Variants in CARMIL1 observed in about 807,000 individuals in gnomAD.
The protein encoded by CARMIL1 is F-actin-uncapping protein LRRC16A.
In CARMIL1, 90 loss-of-function variants were observed where a neutral mutation model predicts 177.1. The ratio of observed to expected loss-of-function variants is 0.51; its 90% CI spans 0.43 to 0.61. The LOEUF (loss-of-function observed/expected upper bound fraction) is 0.61. CARMIL1 is among the 20% of genes least tolerant of loss of function. The pLI, the probability that CARMIL1 is intolerant of heterozygous loss-of-function variation, is 0.00. For synonymous variants in CARMIL1, 577 were observed against 606.2 expected, an observed-to-expected ratio of 0.95 and a Z score of 0.71; for missense variants, 1,380 against 1,667.0, an observed-to-expected ratio of 0.83 and a Z score of 3.00.
At chr6:25,605,075 A>G (rs946903746) in intron 34 of CARMIL1, among the ~76,000 whole-genome samples, 182 bp downstream of exon 34, 1 of 152,172 alleles carries the variant, frequency 6.6e-6, no homozygotes, top group African/African-American at 2.4e-5. Context: ...CCTGGGGCAC[A>G]TCCTGCCCCA....
chr6:25,384,045 G>A (rs546043295), intron 2 of CARMIL1, among the ~76,000 whole-genome samples: 127 of 152,232 alleles, frequency 8.3e-4, no homozygotes, highest in African/African-American at 2.9e-3. Flanking sequence ...TCACATGTTT[G>A]CCAGGCAGGT....
intron 2 of CARMIL1, among the ~76,000 whole-genome samples, chr6:25,342,577 A>G (rs1787053562): frequency 6.6e-6 from 1 of 151,844 alleles, no homozygotes; most frequent in Non-Finnish European, 1.5e-5. Context: ...GGCTAAGTGT[A>G]TGTTCTTGCC....
At chr6:25,505,389 C>T (rs6924266) in intron 17 of CARMIL1, among the ~76,000 whole-genome samples, 83,206 of 152,024 alleles carry the variant, frequency 0.55, 23,472 homozygotes, top group Middle Eastern at 0.64. Context: ...AGTAGTGATA[C>T]TGGCATTCAT....
chr6:25,395,648 C>T (rs1239915529), intron 2 of CARMIL1, among the ~76,000 whole-genome samples: 1 of 152,082 alleles, frequency 6.6e-6, no homozygotes, highest in African/African-American at 2.4e-5. Flanking sequence ...ATTTTGGGAC[C>T]TTCTTTAATG....
intron 18 of CARMIL1, 89 bp from the exon 19 acceptor site, chr6:25,510,418 T>G: frequency 1.4e-6 from 1 of 740,238 alleles, no homozygotes; most frequent in Non-Finnish European, 2.2e-6. Context: ...GTCATCCAAC[T>G]ATATGTCACC....
At chr6:25,394,014 A>C (rs1793132955) in intron 2 of CARMIL1, among the ~76,000 whole-genome samples, 1 of 152,138 alleles carries the variant, frequency 6.6e-6, no homozygotes, top group African/African-American at 2.4e-5. Context: ...TTTTCTTATG[A>C]AATTTTTCTA....
Position 25,468,765 on chromosome 6 carries a change from C to G in CARMIL1, c.691-2404C>G, listed in dbSNP as rs145657478. On this transcript the variant is annotated intron_variant, in intron 9 of 36. Coordinates refer to ENST00000329474, the MANE Select transcript of CARMIL1 (RefSeq NM_017640.6). ...ATGAATGATTTGTTACACGTCTCCC[C>G]TACTGGCATTTTAAAGAAAAGTTGG... Among the ~76,000 whole-genome samples, 485 of 152,258 alleles carry G rather than the reference C, an allele frequency of 3.2e-3. 3 individuals carry two copies. The highest frequency in any genetic ancestry group is 0.01 in the African/African-American group (425 of 41,538).
chr6:25,449,454 G>A (rs1798572523), intron 5 of CARMIL1, among the ~76,000 whole-genome samples: 1 of 152,178 alleles, frequency 6.6e-6, no homozygotes, highest in Non-Finnish European at 1.5e-5. Flanking sequence ...GGAAGAGGTA[G>A]CAAAAGGAAC....
At position 25,289,349 on chromosome 6, in the gene CARMIL1, G is replaced by A. The variant is rs370069838; in HGVS notation, c.138+4440G>A. On this transcript the variant is annotated intron_variant, in intron 2 of 36. Coordinates refer to ENST00000329474, the MANE Select transcript of CARMIL1 (RefSeq NM_017640.6). ...CTTCACCCAATTTTTATAGTACTTG[G>A]AGTGTAAAAAATGTATTTTAACTTA... Among the ~76,000 whole-genome samples, 185 of 152,214 alleles carry A rather than the reference G, an allele frequency of 1.2e-3. 1 individual carries two copies. The highest frequency in any genetic ancestry group is 0.01 in the Middle Eastern group (3 of 294).
At chr6:25,419,096 G>A (rs1327081859) in intron 2 of CARMIL1, among the ~76,000 whole-genome samples, 6 of 152,186 alleles carry the variant, frequency 3.9e-5, no homozygotes, top group African/African-American at 7.2e-5. Flanking sequence ...GTTCAAGCCC[G>A]GGGTTGTGTC....
intron 2 of CARMIL1, among the ~76,000 whole-genome samples, chr6:25,313,512 A>G (rs759839132): frequency 6.6e-6 from 1 of 151,788 alleles, no homozygotes; most frequent in Non-Finnish European, 1.5e-5. Flanking sequence ...AGATGGGGGG[A>G]TGAGAGCACT....
At chr6:25,413,441 G>A (rs910719794) in intron 2 of CARMIL1, among the ~76,000 whole-genome samples, 7 of 152,124 alleles carry the variant, frequency 4.6e-5, no homozygotes, top group Admixed American at 3.9e-4. Context: ...TATTTAAGAT[G>A]GTATGTATTT....
intron 28 of CARMIL1, 127 bp from the exon 29 acceptor site, chr6:25,556,574 A>G: frequency 1.4e-6 from 1 of 729,544 alleles, no homozygotes; most frequent in East Asian, 2.7e-5. Context: ...TGTATTAAGA[A>G]TTGTCCTTGT....
At chr6:25,300,321 A>G (rs573971042) in intron 2 of CARMIL1, among the ~76,000 whole-genome samples, 1 of 152,244 alleles carries the variant, frequency 6.6e-6, no homozygotes, top group African/African-American at 2.4e-5. Context: ...GTGGTTCTCA[A>G]TATTTGGTCC....
intron 2 of CARMIL1, among the ~76,000 whole-genome samples, chr6:25,384,918 G>A (rs948624470): frequency 3.3e-5 from 5 of 152,190 alleles, no homozygotes; most frequent in African/African-American, 1.2e-4. Context: ...TTGGATAGAT[G>A]TAACACTATT....
intron 22 of CARMIL1, among the ~76,000 whole-genome samples, chr6:25,518,811 C>T (rs1806263326): frequency 6.6e-6 from 1 of 151,674 alleles, no homozygotes; most frequent in African/African-American, 2.4e-5. Context: ...GCTTCAAAAT[C>T]ACATTTGGTT....
At chr6:25,524,947 A>C (rs1424397777) in intron 23 of CARMIL1, among the ~76,000 whole-genome samples, 2 of 152,134 alleles carry the variant, frequency 1.3e-5, no homozygotes, top group Non-Finnish European at 2.9e-5. Context: ...ACAAAGAAAA[A>C]AAGAAAAGAA....
chr6:25,532,963 G>T (rs950114251), intron 24 of CARMIL1, among the ~76,000 whole-genome samples: 4 of 152,028 alleles, frequency 2.6e-5, no homozygotes, highest in Non-Finnish European at 4.4e-5. Flanking sequence ...ATAAAAACAG[G>T]CCCAGAATTG....
In CARMIL1 at chr6:25,537,957, A is replaced by T; in HGVS notation, c.2170A>T (p.Met724Leu). ...AGATTTAAAATCAGCAGAGCGGCTCATGCGTGATGCTAAGAACTCTAAAAC... is the reference window on the plus strand; with the variant it reads ...AGATTTAAAATCAGCAGAGCGGCTCTTGCGTGATGCTAAGAACTCTAAAAC... The part of the protein sequence containing the change: ...QEDLKSAERL[M>L]RDAKNSKTLL... The change falls in exon 25 of 37, where the codon ATG (methionine) becomes TTG (leucine). Residue 724 changes from methionine to leucine, a missense_variant. Physicochemically the swap from Met to Leu is conservative, Grantham distance 15. Transcript: ENST00000329474. The T allele has an allele frequency of 1.2e-6, 2 of 1,604,306 alleles. No individual in the cohort carries two copies. The highest frequency in any genetic ancestry group is 2.7e-5 in the African/African-American group (2 of 74,964).
Sources: gnomAD v4.1 joint callset for allele counts (sites outside exome capture counted in the v4.1 genomes callset) on GRCh38, gnomAD v4.1.1 for gene constraint, MANE v1.5 for transcripts, NCBI Gene and HGNC (gene_info 2026-07-23, HGNC 2026-07-21) for gene names.